TUBGCP2: variants seen among roughly 807,000 people sequenced by gnomAD.
TUBGCP2 encodes gamma-tubulin complex component 2.
In TUBGCP2, 55 loss-of-function variants were observed where a neutral mutation model predicts 92.2. That is an observed-to-expected ratio of 0.60 (90% CI 0.48 to 0.75). The LOEUF (loss-of-function observed/expected upper bound fraction) is 0.75, where lower values mean the gene tolerates loss of function less well. Among genes scored for constraint, TUBGCP2 ranks in the 30% least tolerant of loss-of-function variants. The pLI is 0.00. For missense variants in TUBGCP2, 1,093 were observed against 1,188.9 expected (o/e 0.92, Z 1.19); for synonymous variants, 533 against 505.2 (o/e 1.06, Z -0.74).
In TUBGCP2 at chr10:133,299,875, G is replaced by A. The variant is rs564514727; in HGVS notation, c.279+110C>T. ...TACATGGCCTAGAAGCGTTACTGGT[G>A]TGAGCGAGGAAGAGCTGACAGGAAG... On this transcript the variant is annotated intron_variant, in intron 3 of 17. Transcript: ENST00000252936. 6.9e-5 allele frequency: 99 copies of A among 1,443,626 alleles called. 1 individual carries two copies. The South Asian group carries it at 1.3e-3, about 18-fold the overall frequency. The allele number at this position is 1,443,626 out of a possible 1,614,324, so 89.4% of individuals were successfully genotyped here.
At chr10:133,311,737 A>G (rs1255887907), upstream of TUBGCP2, 2 of 1,613,576 alleles carry the variant, frequency 1.2e-6, no homozygotes, top group East Asian at 2.2e-5. Flanking sequence ...CAGAAGCCCC[A>G]GGGGACAGTG....
upstream of TUBGCP2, chr10:133,309,518 G>A (rs1382059093): frequency 1.4e-5 from 22 of 1,554,176 alleles, no homozygotes; most frequent in Non-Finnish European, 1.8e-5. Flanking sequence ...CTCCCTGACC[G>A]GTGCCTGGTC....
At chr10:133,309,342 G>A, upstream of TUBGCP2, 4 of 1,587,304 alleles carry the variant, frequency 2.5e-6, no homozygotes, top group East Asian at 2.3e-5. Flanking sequence ...GACGCGGTGG[G>A]CGTGCCGCGA....
rs113035234 is a variant in TUBGCP2, at chr10:133,291,323, C to T, written c.1214+1176G>A. On this transcript the variant is annotated intron_variant, in intron 8 of 17. Coordinates refer to ENST00000252936, the MANE Select transcript of TUBGCP2 (RefSeq NM_006659.4). ...GGAGCCCTACCTGTACGGGAGAGGG[C>T]AGCATGCACCGTCCGTGTCCCCCAT... is the stretch of plus-strand genomic sequence containing the variant. Among the ~76,000 whole-genome samples, 95 of 43,106 alleles carry T rather than the reference C, an allele frequency of 2.2e-3. 6 individuals are homozygous for T. The highest frequency in any genetic ancestry group is 4.0e-3 in the Non-Finnish European group (79 of 19,966). The allele number at this position is 43,106 out of a possible 152,430, so 28.3% of individuals were successfully genotyped here.
intron 13 of TUBGCP2, 92 bp from the exon 14 acceptor site, chr10:133,284,094 G>T: frequency 6.5e-7 from 1 of 1,547,376 alleles, no homozygotes; most frequent in Non-Finnish European, 8.7e-7. Context: ...CAGCCATGGA[G>T]GACGTTCTCT....
At chr10:133,304,992 C>T (rs1410867383) in intron 1 of TUBGCP2, among the ~76,000 whole-genome samples, 1 of 152,132 alleles carries the variant, frequency 6.6e-6, no homozygotes. Flanking sequence ...AGGAAAAACA[C>T]CCGCTACTTA....
upstream of TUBGCP2, chr10:133,310,429 C>T (rs1170623257): frequency 2.8e-6 from 3 of 1,070,060 alleles, no homozygotes; most frequent in East Asian, 2.5e-5. Flanking sequence ...TACCTGAAGC[C>T]CTGGCAACAC....
chr10:133,310,725 C>T (rs1471005389), upstream of TUBGCP2, among the ~76,000 whole-genome samples: 3 of 152,186 alleles, frequency 2.0e-5, no homozygotes, highest in Non-Finnish European at 4.4e-5. Flanking sequence ...GTTGGTTGTG[C>T]GCATATGAAC....
chr10:133,281,545 A>G, intron 16 of TUBGCP2, 109 bp from the exon 17 acceptor site: 3 of 1,331,758 alleles, frequency 2.3e-6, no homozygotes, highest in Non-Finnish European at 3.0e-6. Flanking sequence ...CTTTTCTTAA[A>G]TAGAAAACAT....
At position 133,300,023 on chromosome 10, in the gene TUBGCP2, G is replaced by A; in HGVS notation, c.241C>T (p.Leu81=). The A allele has an allele frequency of 1.2e-6, 2 of 1,614,172 alleles. No homozygotes were observed. Among genetic ancestry groups the A allele is most frequent in the Non-Finnish European group, 1.7e-6 (2 of 1,180,028 alleles). Residue 81 remains leucine, a synonymous_variant, in exon 3 of 18, where the codon CTG becomes TTG. Transcript: ENST00000252936. ...KSKNTRNLDP[L]VYLLSKLTED... is the part of the protein sequence containing the mutation. ...GTGAGCTTTGACAACAGGTACACCA[G>A]CGGGTCAAGGTTCCTTGTATTTTTA...
upstream of TUBGCP2, chr10:133,309,002 C>G (rs1246108856): frequency 8.0e-7 from 1 of 1,250,072 alleles, no homozygotes; most frequent in East Asian, 3.2e-5. Context: ...GCGGCGGAGC[C>G]GCTGCCTGTA....
intron 16 of TUBGCP2, 43 bp downstream of exon 16, chr10:133,282,180 G>A (rs201298402): frequency 2.6e-5 from 42 of 1,609,868 alleles, no homozygotes; most frequent in East Asian, 4.5e-5. Flanking sequence ...CCGCCCAGCC[G>A]GGAGGAAGCG....
At chr10:133,308,889 C>CCGGCT (rs1847903983), upstream of TUBGCP2, 1 of 1,202,254 alleles carries the variant, frequency 8.3e-7, no homozygotes, top group Non-Finnish European at 1.0e-6. Flanking sequence ...GACGTCACGT[C>CCGGCT]CGGCTCGGCT....
chr10:133,301,013 A>G (rs932228785), intron 2 of TUBGCP2, among the ~76,000 whole-genome samples: 7 of 151,778 alleles, frequency 4.6e-5, no homozygotes, highest in Non-Finnish European at 7.4e-5. Context: ...TTTTCCCCCC[A>G]GTAGTTTATG....
rs145657678 is a variant in TUBGCP2, at chr10:133,289,947, C to T, written c.1237G>A (p.Glu413Lys). The T allele has an allele frequency of 3.9e-4, 632 of 1,614,046 alleles. No homozygotes were observed. Among genetic ancestry groups the T allele is most frequent in the Non-Finnish European group, 4.6e-4 (544 of 1,180,020 alleles). The change falls in exon 9 of 18, where the codon GAG (glutamate) becomes AAG (lysine). Residue 413 changes from glutamate to lysine, a missense_variant. Around this residue, in one of 3 missense-constraint regions of TUBGCP2, gnomAD observed 598 missense variants for 675.5 expected, o/e 0.89. Coordinates refer to ENST00000252936, the MANE Select transcript of TUBGCP2 (RefSeq NM_006659.4). ...PYSEFMVEEH[E>K]LRKERIQEDY... ...TCCTGGATCCTCTCCTTCCGCAGCTCGTGCTCCTCGACCATAAACTCACTA... is the reference window on the plus strand; with the variant it reads ...TCCTGGATCCTCTCCTTCCGCAGCTTGTGCTCCTCGACCATAAACTCACTA...
intron 8 of TUBGCP2, chr10:133,291,039 G>A: frequency 4.9e-6 from 1 of 205,496 alleles, no homozygotes. Context: ...CACCAGATCA[G>A]GAAATCCAAG....
At chr10:133,309,332 GACGCGGTGGGCGTGCCGCGAGTC>G, upstream of TUBGCP2, 2 of 1,575,666 alleles carry the variant, frequency 1.3e-6, no homozygotes, top group Non-Finnish European at 1.7e-6. Context: ...GGCGAGGCCT[GACGCGGTGGGCGTGCCGCGAGTC>G]ACCTGGCCCC....
chr10:133,307,291 G>A (rs752442714), intron 1 of TUBGCP2, among the ~76,000 whole-genome samples: 21 of 152,218 alleles, frequency 1.4e-4, no homozygotes, highest in Non-Finnish European at 2.2e-4. Context: ...AGCTACCGCA[G>A]GGACGCGTGC....
intron 16 of TUBGCP2, 21 bp downstream of exon 16, chr10:133,282,202 C>G: frequency 6.2e-7 from 1 of 1,611,326 alleles, no homozygotes; most frequent in Non-Finnish European, 8.5e-7. Context: ...CTCTCTCTGG[C>G]CAAACCTGGA....
Sources: gnomAD v4.1 joint callset for allele counts (sites outside exome capture counted in the v4.1 genomes callset) on GRCh38, gnomAD v4.1.1 for gene constraint, gnomAD v4.1.1 regional missense constraint, MANE v1.5 for transcripts, NCBI Gene and HGNC (gene_info 2026-07-23, HGNC 2026-07-21) for gene names.